TBC1D1: variants seen among roughly 807,000 people sequenced by gnomAD.
TBC1D1 encodes the protein TBC1 (tre-2/USP6, BUB2, cdc16) domain family, member 1.
Under a neutral mutation model 125.6 loss-of-function variants are expected in TBC1D1, and 89 were observed. The ratio of observed to expected loss-of-function variants is 0.71; its 90% confidence interval spans 0.60 to 0.85. The LOEUF (loss-of-function observed/expected upper bound fraction) is 0.85, where lower values mean the gene tolerates loss of function less well. Among genes scored for constraint, TBC1D1 ranks in the 40% least tolerant of loss-of-function variants. TBC1D1 has a pLI of 0.00. For synonymous variants in TBC1D1, 565 were observed against 564.1 expected (o/e 1.00, Z -0.02); for missense variants, 1,377 against 1,469.2 (o/e 0.94, Z 1.03).
At chr4:38,098,425 CT>C (rs1449282811) in intron 14 of TBC1D1, among the ~76,000 whole-genome samples, 1 of 152,156 alleles carries the variant, frequency 6.6e-6, no homozygotes, top group African/African-American at 2.4e-5. Context: ...AGCCTGGCAC[CT>C]GGATATTTGT....
At chr4:37,948,862 A>G (rs1727271353) in intron 2 of TBC1D1, among the ~76,000 whole-genome samples, 1 of 152,204 alleles carries the variant, frequency 6.6e-6, no homozygotes, top group South Asian at 2.1e-4. Flanking sequence ...CATGAATAGA[A>G]TCATGTAATA....
intron 17 of TBC1D1, among the ~76,000 whole-genome samples, chr4:38,123,602 A>G (rs1764198005): frequency 6.6e-6 from 1 of 152,218 alleles, no homozygotes; most frequent in East Asian, 1.9e-4. Flanking sequence ...TTAAGAAGGA[A>G]GTGAAGGATT....
In TBC1D1 at chr4:38,014,483, A is replaced by C. The variant is rs979825152; in HGVS notation, c.418-26A>C. The C allele has an allele frequency of 6.2e-6, 10 of 1,602,140 alleles. No individual in the cohort carries two copies. The highest frequency in any genetic ancestry group is 3.3e-5 in the Admixed American group (2 of 59,848). ...AGTGCCAGCCACACTGCATGTTCCA[A>C]ATAACACGCCTCTCTCTCTCCTCAG... is the stretch of plus-strand genomic sequence containing the variant. On this transcript the variant is annotated intron_variant, in intron 2 of 19. Coordinates refer to ENST00000261439, the MANE Select transcript of TBC1D1 (RefSeq NM_015173.4). This position sits in a 1 kb window ranked among gnomAD's most constrained non-coding sequence, Gnocchi z 5.1.
In TBC1D1 at chr4:37,991,996, C is replaced by T. The variant is rs140766190; in HGVS notation, c.418-22513C>T. On this transcript the variant is annotated intron_variant, in intron 2 of 19. Coordinates refer to ENST00000261439, the MANE Select transcript of TBC1D1 (RefSeq NM_015173.4). ...GTGTTCGAAACATGTTTGGTACAAA[C>T]GGAACTTACAGAGAAAGAAGCCAGG... Among the ~76,000 whole-genome samples the T allele has an allele frequency of 2.8e-4, 42 of 152,296 alleles. No homozygotes were observed. The East Asian group carries it at 5.2e-3, about 19-fold the overall frequency.
chr4:38,100,856 A>C (rs2152555499), intron 14 of TBC1D1, among the ~76,000 whole-genome samples: 1 of 152,344 alleles, frequency 6.6e-6, no homozygotes, highest in Admixed American at 6.5e-5. Flanking sequence ...TTTTATCATT[A>C]ATTGCAAGAT....
At chr4:38,064,375 C>A (rs1753310490) in intron 12 of TBC1D1, among the ~76,000 whole-genome samples, 1 of 152,168 alleles carries the variant, frequency 6.6e-6, no homozygotes, top group South Asian at 2.1e-4. Context: ...TGATTCTACC[C>A]ACGGGGATGG....
intron 2 of TBC1D1, among the ~76,000 whole-genome samples, chr4:37,968,890 C>A (rs896388060): frequency 1.3e-5 from 2 of 152,096 alleles, no homozygotes; most frequent in Non-Finnish European, 2.9e-5. Flanking sequence ...GAAAGTGTGG[C>A]GGGCAAGTGA....
chr4:37,930,568 C>G (rs937895234), intron 2 of TBC1D1, among the ~76,000 whole-genome samples: 1 of 146,570 alleles, frequency 6.8e-6, no homozygotes, highest in Admixed American at 6.6e-5. Flanking sequence ...CTCAAGTGAT[C>G]CTCCTGCCTC....
intron 2 of TBC1D1, among the ~76,000 whole-genome samples, chr4:37,999,497 G>A (rs902220026): frequency 1.3e-5 from 2 of 152,150 alleles, no homozygotes; most frequent in African/African-American, 4.8e-5. Context: ...ACACAGAAAC[G>A]AATCAAACAG....
chr4:37,963,075 G>T (rs1168846870), intron 2 of TBC1D1, among the ~76,000 whole-genome samples: 2 of 152,054 alleles, frequency 1.3e-5, no homozygotes, highest in Non-Finnish European at 2.9e-5. Context: ...TACAAGCCAG[G>T]TCCTCTGCTA....
chr4:38,093,527 CTTTT>C (rs71658755), intron 13 of TBC1D1, among the ~76,000 whole-genome samples: 33 of 144,478 alleles, frequency 2.3e-4, no homozygotes, highest in South Asian at 4.4e-4. Context: ...TTTCCCCCCC[CTTTT>C]TTTTTTTTTT....
chr4:38,014,494 T>C lies in TBC1D1; in HGVS notation c.418-15T>C. 6.2e-7 allele frequency: 1 copy of C among 1,603,940 alleles called. No homozygotes were observed. Among genetic ancestry groups the C allele is most frequent in the East Asian group, 2.2e-5 (1 of 44,704 alleles). ...CACTGCATGTTCCAAATAACACGCCTCTCTCTCTCCTCAGGTGCCTGAGAT... is the reference window on the plus strand; with the variant it reads ...CACTGCATGTTCCAAATAACACGCCCCTCTCTCTCCTCAGGTGCCTGAGAT... On this transcript the variant is annotated splice_polypyrimidine_tract_variant and intron_variant, in intron 2 of 19. Transcript: ENST00000261439. This position sits in a 1 kb window ranked among gnomAD's most constrained non-coding sequence, Gnocchi z 5.1.
chr4:37,930,070 C>T (rs1441699708), intron 2 of TBC1D1, among the ~76,000 whole-genome samples: 1 of 152,154 alleles, frequency 6.6e-6, no homozygotes, highest in African/African-American at 2.4e-5. Context: ...GGAAAGTTGA[C>T]AGCAACGTGG....
rs185964320 is a variant in TBC1D1, at chr4:38,103,438, A to C, written c.2557+281A>C. Among the ~76,000 whole-genome samples the C allele has an allele frequency of 1.8e-3, 279 of 152,316 alleles. 1 individual carries two copies. Among genetic ancestry groups the C allele is most frequent in the African/African-American group, 6.6e-3 (273 of 41,564 alleles). On this transcript the variant is annotated intron_variant, in intron 15 of 19. Transcript: ENST00000261439. ...TAATTGTGGTTCAGTCCAGTAACTC[A>C]AATATTGATAGGAGGTTTTTACAGT...
At chr4:38,021,948 C>G (rs949071980) in intron 6 of TBC1D1, among the ~76,000 whole-genome samples, 2 of 152,202 alleles carry the variant, frequency 1.3e-5, no homozygotes, top group African/African-American at 4.8e-5. Context: ...CCACCTCCCT[C>G]CAAGGTATTC....
In TBC1D1 at chr4:37,971,209, T is replaced by C. The variant is rs1731949797; in HGVS notation, c.418-43300T>C. ...AGACATTAAAGCATCCTTTTAAAGT[T>C]ACTTAGACAACAATTTGAGATTTCT... On this transcript the variant is annotated intron_variant, in intron 2 of 19. Transcript: ENST00000261439. 2.0e-5 allele frequency among the ~76,000 whole-genome samples: 3 copies of C among 152,292 alleles called. 1 individual carries two copies. The South Asian group carries it at 6.2e-4, about 32-fold the overall frequency.
At chr4:38,109,344 T>C (rs1262930199) in intron 15 of TBC1D1, among the ~76,000 whole-genome samples, 1 of 152,202 alleles carries the variant, frequency 6.6e-6, no homozygotes, top group Non-Finnish European at 1.5e-5. Context: ...ATTCTGAATA[T>C]ACCCTTTAAG....
chr4:37,902,947 C>T (rs1308950408), intron 2 of TBC1D1, among the ~76,000 whole-genome samples: 1 of 152,180 alleles, frequency 6.6e-6, no homozygotes, highest in Non-Finnish European at 1.5e-5. Flanking sequence ...TGATGCTGCC[C>T]TTTTGCAGGT....
At chr4:38,046,019 C>T (rs1187495502) in intron 10 of TBC1D1, 116 bp downstream of exon 10, 10 of 866,334 alleles carry the variant, frequency 1.2e-5, no homozygotes, top group Admixed American at 1.1e-4. Context: ...TTTCTTGGCA[C>T]AGGTGGAGGA....
Sources: gnomAD v4.1 joint callset for allele counts (sites outside exome capture counted in the v4.1 genomes callset) on GRCh38, gnomAD v4.1.1 for gene constraint, Gnocchi (gnomAD v3.1) non-coding constraint, MANE v1.5 for transcripts, NCBI Gene and HGNC (gene_info 2026-07-23, HGNC 2026-07-21) for gene names.